PRKCB: variants seen among roughly 807,000 people sequenced by gnomAD.
The protein encoded by PRKCB is protein kinase C beta, also known as protein kinase C beta type.
A neutral mutation model predicts 81.5 loss-of-function variants in PRKCB; 13 were observed. The observed-to-expected ratio is 0.16, with a 90% CI of 0.10 to 0.25. The LOEUF is 0.25. Among genes scored for constraint, PRKCB ranks in the 10% least tolerant of loss-of-function variants. PRKCB has a pLI of 1.00. For missense variants in PRKCB, 509 were observed against 875.7 expected (o/e 0.58, Z 5.29); for synonymous variants, 335 against 321.4 (o/e 1.04, Z -0.45).
intron 2 of PRKCB, among the ~76,000 whole-genome samples, chr16:23,849,625 C>CA (rs1353135941): frequency 2.0e-5 from 3 of 152,022 alleles, no homozygotes; most frequent in African/African-American, 7.2e-5. Context: ...ACAGGATTGA[C>CA]ATATAGAGTA....
intron 2 of PRKCB, among the ~76,000 whole-genome samples, chr16:23,870,745 C>T (rs909769686): frequency 3.3e-5 from 5 of 152,236 alleles, no homozygotes; most frequent in Non-Finnish European, 7.3e-5. Context: ...TGTGTTCCCA[C>T]ACTTTCTCAG....
At chr16:24,100,728 C>T (rs1032087785) in intron 7 of PRKCB, among the ~76,000 whole-genome samples, 6 of 152,280 alleles carry the variant, frequency 3.9e-5, no homozygotes, top group Middle Eastern at 3.4e-3. Flanking sequence ...ACTGAGACGG[C>T]AATATTTTAG....
chr16:24,132,424 A>G (rs1477084956), intron 9 of PRKCB, among the ~76,000 whole-genome samples: 1 of 152,250 alleles, frequency 6.6e-6, no homozygotes, highest in Non-Finnish European at 1.5e-5. Context: ...TTGAGCATCT[A>G]CTATATGCCA....
At chr16:23,922,823 C>T (rs1361582997) in intron 2 of PRKCB, among the ~76,000 whole-genome samples, 2 of 150,246 alleles carry the variant, frequency 1.3e-5, no homozygotes, top group Non-Finnish European at 1.5e-5. Context: ...ATAATTATGG[C>T]TTCATGGGTA....
At chr16:24,135,513 A>G (rs1966861990) in intron 9 of PRKCB, among the ~76,000 whole-genome samples, 1 of 151,862 alleles carries the variant, frequency 6.6e-6, no homozygotes, top group Non-Finnish European at 1.5e-5. Flanking sequence ...GGGTTTCACC[A>G]TGTTGGCCAG....
intron 5 of PRKCB, among the ~76,000 whole-genome samples, chr16:24,091,509 A>C (rs943076524): frequency 3.3e-5 from 5 of 152,118 alleles, no homozygotes; most frequent in African/African-American, 1.2e-4. Flanking sequence ...TTGATTCCTA[A>C]TTAACTACTT....
rs558658424 is a variant in PRKCB at position 24,202,953 on chromosome 16, A to T, written c.1864-11705A>T. On this transcript the variant is annotated intron_variant, in intron 16 of 16. Coordinates refer to ENST00000643927, the MANE Select transcript of PRKCB (RefSeq NM_002738.7). The stretch of plus-strand genomic sequence containing the variant: ...AAACTGGGGCCTGGTGCAGTGGCTC[A>T]TGCCTGTAATTCCAGCACTTTGGGA... Among the ~76,000 whole-genome samples the T allele has an allele frequency of 3.9e-5, 6 of 152,210 alleles. No homozygotes were observed. The East Asian group carries it at 1.2e-3, about 30-fold the overall frequency.
intron 3 of PRKCB, among the ~76,000 whole-genome samples, chr16:24,018,195 G>A (rs765529700): frequency 9.9e-5 from 15 of 151,908 alleles, no homozygotes; most frequent in Admixed American, 2.0e-4. Context: ...CACTGCGCCC[G>A]GCCCATAACT....
chr16:24,119,542 C>T (rs1156263516), intron 8 of PRKCB, among the ~76,000 whole-genome samples: 1 of 151,918 alleles, frequency 6.6e-6, no homozygotes, highest in Non-Finnish European at 1.5e-5. Flanking sequence ...GACTGTGAAT[C>T]AGATGGGTCC....
intron 2 of PRKCB, among the ~76,000 whole-genome samples, chr16:23,882,189 C>T (rs1211135804): frequency 1.3e-5 from 2 of 151,432 alleles, no homozygotes; most frequent in East Asian, 3.9e-4. Flanking sequence ...AAGGGATCCT[C>T]CCATCTCAGC....
intron 3 of PRKCB, among the ~76,000 whole-genome samples, chr16:24,013,127 C>A (rs1490398159): frequency 1.3e-5 from 2 of 152,184 alleles, no homozygotes; most frequent in Non-Finnish European, 2.9e-5. Flanking sequence ...GCAGCTCAAG[C>A]ATCACTTCCT....
At chr16:24,048,392 C>T (rs1965793634) in intron 5 of PRKCB, among the ~76,000 whole-genome samples, 1 of 152,122 alleles carries the variant, frequency 6.6e-6, no homozygotes, top group African/African-American at 2.4e-5. Flanking sequence ...GATAATTAGG[C>T]TCTTGGACAC....
Position 24,215,007 on chromosome 16 carries a change from T to C in PRKCB, c.*191T>C, listed in dbSNP as rs1357834814. 8 of 1,388,322 alleles carry C rather than the reference T, an allele frequency of 5.8e-6. No individual in the cohort carries two copies. The East Asian group carries it at 1.0e-4, about 18-fold the overall frequency. 86.0% of individuals were successfully genotyped at this position (1,388,322 alleles called of 1,614,324 possible). A position where few individuals can be genotyped will look rare whatever the true frequency, so the allele number is the denominator to read the frequency against. ...TCTCTATGAGATGGGATTATGCAGA[T>C]GGCCTATGGAAAATGCAGCTGCATA... On this transcript the variant is annotated 3_prime_UTR_variant, in exon 17 of 17. Transcript: ENST00000643927.
intron 9 of PRKCB, among the ~76,000 whole-genome samples, chr16:24,141,535 GC>G (rs1966902098): frequency 6.6e-6 from 1 of 152,144 alleles, no homozygotes; most frequent in South Asian, 2.1e-4. Context: ...TCCATTCCAG[GC>G]CTCTGGTTAT....
At chr16:24,061,932 A>AAC (rs1965980158) in intron 5 of PRKCB, among the ~76,000 whole-genome samples, 1 of 150,776 alleles carries the variant, frequency 6.6e-6, no homozygotes, top group Admixed American at 6.6e-5. Context: ...AAAAAAAAAA[A>AAC]ACTTGAGGCC....
In PRKCB at chr16:23,964,073, G is replaced by A. The variant is rs1254545134; in HGVS notation, c.206-24435G>A. ...GCATCTATAACCCCACGGTCCAATA[G>A]GGTAGCCACTAGCCATGTGTGCCTA... On this transcript the variant is annotated intron_variant, in intron 2 of 16. Transcript: ENST00000643927. Among the ~76,000 whole-genome samples the A allele has an allele frequency of 2.0e-5, 3 of 152,276 alleles. No homozygotes were observed. The East Asian group carries it at 5.8e-4, about 29-fold the overall frequency.
chr16:23,882,350 C>T (rs2141109795), intron 2 of PRKCB, among the ~76,000 whole-genome samples: 1 of 151,766 alleles, frequency 6.6e-6, no homozygotes, highest in Non-Finnish European at 1.5e-5. Context: ...TCCTGAGTAG[C>T]TGGGATTACA....
chr16:24,021,000 CTT>C lies in PRKCB; in HGVS notation c.289-11134_289-11133del, dbSNP rs1233355316. On this transcript the variant is annotated intron_variant, in intron 3 of 16. Coordinates refer to ENST00000643927, the MANE Select transcript of PRKCB (RefSeq NM_002738.7). ...TTTTTCTTTCTTTCTTTCTTTCTTT[CTT>C]TCTTTCTTTCTTTCTTTCTTTCTTT... Among the ~76,000 whole-genome samples the C allele has an allele frequency of 2.9e-5, 4 of 137,714 alleles. No individual in the cohort carries two copies. In the South Asian group the frequency reaches 7.3e-4, roughly 25 times the overall value. The allele number at this position is 137,714 out of a possible 152,430, so 90.3% of individuals were successfully genotyped here.
At chr16:23,887,845 T>A (rs1269375065) in intron 2 of PRKCB, among the ~76,000 whole-genome samples, 1 of 152,070 alleles carries the variant, frequency 6.6e-6, no homozygotes, top group African/African-American at 2.4e-5. Context: ...TTCTCCGTAA[T>A]CTCACCAAGG....
Sources: gnomAD v4.1 joint callset for allele counts (sites outside exome capture counted in the v4.1 genomes callset) on GRCh38, gnomAD v4.1.1 for gene constraint, MANE v1.5 for transcripts, NCBI Gene and HGNC (gene_info 2026-07-23, HGNC 2026-07-21) for gene names.